CSMD1: variants seen among roughly 807,000 people sequenced by gnomAD.
CSMD1 encodes CUB and Sushi multiple domains 1, also known as CUB and sushi domain-containing protein 1.
In CSMD1, 213 loss-of-function variants were observed where a neutral mutation model predicts 417.5. The observed-to-expected ratio is 0.51, with a 90% CI of 0.46 to 0.57. CSMD1 has a LOEUF of 0.57. Among genes scored for constraint, CSMD1 ranks in the 20% least tolerant of loss-of-function variants. CSMD1 has a pLI of 0.00. For synonymous variants in CSMD1, 2,862 were observed against 1,736.8 expected (o/e 1.65, Z -16.11); for missense variants, 6,923 against 4,529.7 (o/e 1.53, Z -15.17).
At chr8:4,100,913 T>C (rs553469505) in intron 3 of CSMD1, among the ~76,000 whole-genome samples, 1 of 152,262 alleles carries the variant, frequency 6.6e-6, no homozygotes, top group South Asian at 2.1e-4. Flanking sequence ...CAGAAAGTGG[T>C]GTATATGAAG....
chr8:3,912,377 C>G (rs539762777), intron 5 of CSMD1, among the ~76,000 whole-genome samples: 5 of 152,130 alleles, frequency 3.3e-5, no homozygotes, highest in Non-Finnish European at 5.9e-5. Context: ...ACATTCAAGG[C>G]AATCTTCTAG....
Position 3,065,062 on chromosome 8 carries a change from A to C in CSMD1, c.7475-12415T>G, listed in dbSNP as rs144848178. Among the ~76,000 whole-genome samples, 508 of 152,312 alleles carry C rather than the reference A, an allele frequency of 3.3e-3. 1 individual carries two copies. The highest frequency in any genetic ancestry group is 0.011 in the African/African-American group (465 of 41,574). ...AACTTTTTACTTAATGGAAAAAGTA[A>C]ACAAACAGATGTACCTGGACTAGAA... On this transcript the variant is annotated intron_variant, in intron 49 of 69. Transcript: ENST00000635120.
Position 3,993,543 on chromosome 8 carries a change from G to A in CSMD1, c.818+4360C>T, listed in dbSNP as rs538189751. On this transcript the variant is annotated intron_variant, in intron 5 of 69. Transcript: ENST00000635120. ...TAGATTGACTTAATAGTAAAATTGTGCTGGTTTAACAGGAACAAAATAAAC... is the reference window on the plus strand; with the variant it reads ...TAGATTGACTTAATAGTAAAATTGTACTGGTTTAACAGGAACAAAATAAAC... Among the ~76,000 whole-genome samples the A allele has an allele frequency of 7.9e-5, 12 of 152,278 alleles. No individual in the cohort carries two copies. The Middle Eastern group carries it at 0.01, about 129-fold the overall frequency.
intron 5 of CSMD1, among the ~76,000 whole-genome samples, chr8:3,825,944 T>G (rs958838592): frequency 6.6e-6 from 1 of 152,230 alleles, no homozygotes; most frequent in Non-Finnish European, 1.5e-5. Flanking sequence ...AATTCCAACT[T>G]AAGATTAAAT....
chr8:4,114,445 G>T (rs1477361986), intron 3 of CSMD1, among the ~76,000 whole-genome samples: 2 of 152,184 alleles, frequency 1.3e-5, no homozygotes. Flanking sequence ...TTACGGAAGA[G>T]CTTGGACAGA....
intron 3 of CSMD1, among the ~76,000 whole-genome samples, chr8:4,117,413 G>T (rs1355379920): frequency 2.6e-5 from 4 of 152,094 alleles, no homozygotes; most frequent in East Asian, 1.9e-4. Context: ...TCTGCCTGCC[G>T]CAAGGTAAAT....
At chr8:4,337,131 G>A (rs548370583) in intron 3 of CSMD1, among the ~76,000 whole-genome samples, 1 of 152,092 alleles carries the variant, frequency 6.6e-6, no homozygotes, top group African/African-American at 2.4e-5. Context: ...ATTTAAGTGG[G>A]ATCTTCTGCC....
chr8:3,769,578 T>G (rs1435920018), intron 5 of CSMD1, among the ~76,000 whole-genome samples: 1 of 152,036 alleles, frequency 6.6e-6, no homozygotes, highest in East Asian at 1.9e-4. Flanking sequence ...TTTACAGATA[T>G]GTACACGCAG....
intron 37 of CSMD1, among the ~76,000 whole-genome samples, chr8:3,179,266 T>C (rs1487698329): frequency 6.6e-6 from 1 of 152,176 alleles, no homozygotes; most frequent in East Asian, 1.9e-4. Context: ...TTTCAAATTC[T>C]GGCATGAAGA....
intron 1 of CSMD1, among the ~76,000 whole-genome samples, chr8:4,805,948 C>A (rs1030761766): frequency 6.6e-6 from 1 of 152,088 alleles, no homozygotes; most frequent in African/African-American, 2.4e-5. Flanking sequence ...TGAGCCTTTG[C>A]TAGACGATTT....
chr8:2,937,506 G>C lies in CSMD1; in HGVS notation c.*1079C>G, dbSNP rs1585023056. On this transcript the variant is annotated 3_prime_UTR_variant, in exon 70 of 70. Transcript: ENST00000635120. ...CTGCATTGTGAGCTAAAACCCACAA[G>C]TTCATCGACTATCTAAAATAAATTA... 1.3e-5 allele frequency: 2 copies of C among 149,592 alleles called. No homozygotes were observed. Among genetic ancestry groups the C allele is most frequent in the African/African-American group, 4.9e-5 (2 of 40,748 alleles). The allele number at this position is 149,592 out of a possible 1,614,324, so 9.3% of individuals were successfully genotyped here.
intron 41 of CSMD1, among the ~76,000 whole-genome samples, chr8:3,125,779 C>G (rs966457414): frequency 2.0e-5 from 3 of 152,176 alleles, no homozygotes; most frequent in African/African-American, 7.2e-5. Context: ...GAGTTTGAAA[C>G]CAGCCTGGCC....
At chr8:4,166,277 A>G (rs1797451097) in intron 3 of CSMD1, among the ~76,000 whole-genome samples, 1 of 152,204 alleles carries the variant, frequency 6.6e-6, no homozygotes, top group Admixed American at 6.5e-5. Flanking sequence ...ATACATAAAC[A>G]TAAAAGTTCT....
intron 1 of CSMD1, among the ~76,000 whole-genome samples, chr8:4,664,399 T>C (rs368477061): frequency 1.3e-4 from 20 of 151,962 alleles, no homozygotes; most frequent in African/African-American, 4.3e-4. Flanking sequence ...ATGTCTACAG[T>C]AGAAACGAAA....
chr8:4,349,649 A>T (rs1168852657), intron 3 of CSMD1, among the ~76,000 whole-genome samples: 3 of 152,156 alleles, frequency 2.0e-5, no homozygotes, highest in African/African-American at 4.8e-5. Context: ...TACCTTCATA[A>T]TATTTGGCTA....
chr8:3,595,865 G>C (rs1037589329), intron 8 of CSMD1, among the ~76,000 whole-genome samples: 1 of 152,200 alleles, frequency 6.6e-6, no homozygotes, highest in Non-Finnish European at 1.5e-5. Flanking sequence ...TGTGAACGTG[G>C]AAGAGGGTTT....
chr8:4,968,495 T>C (rs746118173), intron 1 of CSMD1, among the ~76,000 whole-genome samples: 2 of 152,072 alleles, frequency 1.3e-5, no homozygotes, highest in African/African-American at 2.4e-5. Context: ...TATAGGAAAA[T>C]GCAAAATGCA....
At chr8:4,189,192 G>A (rs1419123599) in intron 3 of CSMD1, among the ~76,000 whole-genome samples, 1 of 152,224 alleles carries the variant, frequency 6.6e-6, no homozygotes, top group Non-Finnish European at 1.5e-5. Context: ...TAAGTGCCCA[G>A]CTATGCAAAC....
intron 1 of CSMD1, among the ~76,000 whole-genome samples, chr8:4,648,583 T>G (rs1803683660): frequency 6.6e-6 from 1 of 152,044 alleles, no homozygotes; most frequent in African/African-American, 2.4e-5. Context: ...ACAAAAAATG[T>G]GATTTTTTTT....
Sources: gnomAD v4.1 joint callset for allele counts (sites outside exome capture counted in the v4.1 genomes callset) on GRCh38, gnomAD v4.1.1 for gene constraint, MANE v1.5 for transcripts, NCBI Gene and HGNC (gene_info 2026-07-23, HGNC 2026-07-21) for gene names.